Variants in HLCS observed in about 807,000 individuals in gnomAD.
HLCS encodes holocarboxylase synthetase, also known as biotin--protein ligase.
A neutral mutation model predicts 75.0 loss-of-function variants in HLCS; 53 were observed. The observed-to-expected ratio is 0.71, with a 90% CI of 0.57 to 0.89. The LOEUF is 0.89. HLCS is among the 40% of genes least tolerant of loss of function. HLCS has a pLI of 0.00. For missense variants in HLCS, 966 were observed against 1,074.0 expected (o/e 0.90, Z 1.41); for synonymous variants, 431 against 428.6 (o/e 1.01, Z -0.07).
chr21:36,803,712 A>T (rs2061278931), intron 6 of HLCS, among the ~76,000 whole-genome samples: 1 of 151,592 alleles, frequency 6.6e-6, no homozygotes, highest in Non-Finnish European at 1.5e-5. Flanking sequence ...AGGTGAAAAA[A>T]ACTTCCAAAG....
chr21:36,936,013 G>A (rs181149322), intron 4 of HLCS, among the ~76,000 whole-genome samples: 44 of 152,240 alleles, frequency 2.9e-4, no homozygotes, highest in African/African-American at 9.9e-4. Flanking sequence ...GTATTTCATC[G>A]CAGTGGTCAC....
At chr21:36,858,749 T>C (rs1406019449) in intron 6 of HLCS, among the ~76,000 whole-genome samples, 1 of 152,226 alleles carries the variant, frequency 6.6e-6, no homozygotes, top group Non-Finnish European at 1.5e-5. Context: ...TCTGGGCATC[T>C]GCAGGAGACA....
chr21:36,838,745 GAC>G (rs142586478), intron 6 of HLCS, among the ~76,000 whole-genome samples: 4 of 148,472 alleles, frequency 2.7e-5, no homozygotes, highest in Non-Finnish European at 3.0e-5. Flanking sequence ...AAAAGGAGAA[GAC>G]ACACACACAC....
At chr21:36,874,437 ATAAAT>A (rs1467243103) in intron 6 of HLCS, among the ~76,000 whole-genome samples, 2 of 151,996 alleles carry the variant, frequency 1.3e-5, no homozygotes, top group Non-Finnish European at 2.9e-5. Flanking sequence ...AATAAAATAA[ATAAAT>A]TAAAAAGCCA....
intron 6 of HLCS, among the ~76,000 whole-genome samples, chr21:36,860,130 T>A (rs1043562108): frequency 2.0e-5 from 3 of 152,246 alleles, no homozygotes; most frequent in African/African-American, 7.2e-5. Context: ...GGGTTACTTT[T>A]AATTGAGCAC....
At chr21:36,851,360 C>G (rs1434230873) in intron 6 of HLCS, among the ~76,000 whole-genome samples, 1 of 152,154 alleles carries the variant, frequency 6.6e-6, no homozygotes, top group Non-Finnish European at 1.5e-5. Context: ...AAAAAGAATG[C>G]GATATTGTCA....
chr21:36,958,192 G>A (rs1349017334), intron 2 of HLCS, among the ~76,000 whole-genome samples: 19 of 150,790 alleles, frequency 1.3e-4, no homozygotes, highest in East Asian at 5.9e-4. Context: ...GCAGTGAGCC[G>A]AGATCGCGCC....
chr21:36,813,521 A>C (rs1413138680), intron 6 of HLCS, among the ~76,000 whole-genome samples: 1 of 152,252 alleles, frequency 6.6e-6, no homozygotes, highest in Non-Finnish European at 1.5e-5. Context: ...TTTTGTTAAA[A>C]GTACTGAGAG....
intron 2 of HLCS, among the ~76,000 whole-genome samples, chr21:36,939,797 G>A (rs1023232901): frequency 6.6e-6 from 1 of 152,198 alleles, no homozygotes; most frequent in Non-Finnish European, 1.5e-5. Context: ...GTCTGAGGCC[G>A]AGTCAAAGGC....
At chr21:36,932,698 T>G (rs1048115462) in intron 4 of HLCS, among the ~76,000 whole-genome samples, 1 of 152,192 alleles carries the variant, frequency 6.6e-6, no homozygotes, top group South Asian at 2.1e-4. Context: ...GCCTACTGTA[T>G]GCAAAGCTTC....
At chr21:36,979,221 A>G (rs1488917717) in intron 1 of HLCS, among the ~76,000 whole-genome samples, 1 of 151,724 alleles carries the variant, frequency 6.6e-6, no homozygotes, top group South Asian at 2.1e-4. Context: ...GCAGTGAGCC[A>G]AGATCGCGCC....
At position 36,842,485 on chromosome 21, in the gene HLCS, A is replaced by C. The variant is rs1234408664; in HGVS notation, c.1892+54375T>G. ...CCAGGCACAGTGGCTCATCCCTATA[A>C]TCCCAGCACTTCGGGAGGCCAAGGT... On this transcript the variant is annotated intron_variant, in intron 6 of 10. Coordinates refer to ENST00000674895, the MANE Select transcript of HLCS (RefSeq NM_001352514.2). This position sits in a 1 kb window ranked among gnomAD's most constrained non-coding sequence, Gnocchi z 4.2. Among the ~76,000 whole-genome samples the C allele has an allele frequency of 6.6e-6, 1 of 152,180 alleles. No individual in the cohort carries two copies. The highest frequency in any genetic ancestry group is 1.5e-5 in the Non-Finnish European group (1 of 68,030).
chr21:36,764,233 C>T (rs1329784773), intron 8 of HLCS, among the ~76,000 whole-genome samples: 3 of 152,204 alleles, frequency 2.0e-5, no homozygotes, highest in Non-Finnish European at 4.4e-5. Flanking sequence ...TCCATCTCTA[C>T]TAACAACACA....
chr21:36,757,054 G>C (rs1469058245), intron 9 of HLCS: 4 of 598,946 alleles, frequency 6.7e-6, no homozygotes, highest in Non-Finnish European at 8.4e-6. Context: ...ATTAAATATG[G>C]GACAAAACGT....
chr21:36,956,180 A>G (rs985049744), intron 2 of HLCS, among the ~76,000 whole-genome samples: 1 of 152,166 alleles, frequency 6.6e-6, no homozygotes, highest in Admixed American at 6.5e-5. Flanking sequence ...CAACTTAAAA[A>G]TCTAAAAAGA....
intron 6 of HLCS, among the ~76,000 whole-genome samples, chr21:36,802,796 C>T (rs748619639): frequency 3.7e-4 from 57 of 152,134 alleles, no homozygotes; most frequent in Non-Finnish European, 7.5e-4. Flanking sequence ...AAAAAAGGCA[C>T]GATCCCCACA....
chr21:36,846,996 C>CA (rs1428737802), intron 6 of HLCS, among the ~76,000 whole-genome samples: 2 of 152,118 alleles, frequency 1.3e-5, no homozygotes. Context: ...TTCAAAAACA[C>CA]AAAAAATCTA....
intron 6 of HLCS, among the ~76,000 whole-genome samples, chr21:36,805,068 G>A (rs1484159090): frequency 6.6e-6 from 1 of 152,158 alleles, no homozygotes; most frequent in Non-Finnish European, 1.5e-5. Flanking sequence ...ATCGGTGAAG[G>A]ATTCCGACTT....
intron 5 of HLCS, among the ~76,000 whole-genome samples, chr21:36,904,645 C>T (rs2065375998): frequency 6.6e-6 from 1 of 152,188 alleles, no homozygotes; most frequent in South Asian, 2.1e-4. Flanking sequence ...TTTCTCCCCG[C>T]TCCACCATTA....
Sources: allele counts gnomAD v4.1 joint callset (sites outside exome capture counted in the v4.1 genomes callset), GRCh38; gene constraint gnomAD v4.1.1; non-coding constraint Gnocchi (gnomAD v3.1); transcripts MANE v1.5; gene names NCBI Gene and HGNC (gene_info 2026-07-23, HGNC 2026-07-21).